ACAD9: variants seen among roughly 807,000 people sequenced by gnomAD.
ACAD9 encodes the protein acyl-CoA dehydrogenase family member 9.
In ACAD9, 53 loss-of-function variants were observed where a neutral mutation model predicts 70.2. The observed-to-expected ratio is 0.75, with a 90% CI of 0.61 to 0.95. The LOEUF (loss-of-function observed/expected upper bound fraction) is 0.95. Among genes scored for constraint, ACAD9 ranks in the 40% least tolerant of loss-of-function variants. The pLI, the probability that ACAD9 is intolerant of heterozygous loss-of-function variation, is 0.00. For missense variants in ACAD9, 777 were observed against 802.8 expected (o/e 0.97, Z 0.39); for synonymous variants, 313 against 312.1 (o/e 1.00, Z -0.03).
At chr3:128,903,472 G>C (rs1399333149) in intron 9 of ACAD9, among the ~76,000 whole-genome samples, 2 of 152,214 alleles carry the variant, frequency 1.3e-5, no homozygotes, top group Non-Finnish European at 2.9e-5. Context: ...TACACCTCCT[G>C]AGTGCACCAC....
Position 128,904,382 on chromosome 3 carries a change from C to G in ACAD9, c.1030-4C>G, listed in dbSNP as rs768270636. 1 of 1,614,170 alleles carries G rather than the reference C, an allele frequency of 6.2e-7. No homozygotes were observed. ...GTTTCTTGTGTTTTTTCTGAACACT[C>G]CAGGAGAAATTTGCACTGATGGCTC... On this transcript the variant is annotated splice_polypyrimidine_tract_variant and splice_region_variant and intron_variant, in intron 10 of 17. Transcript: ENST00000308982.
chr3:128,910,697 T>G (rs369160539), intron 16 of ACAD9, 44 bp from the exon 17 acceptor site: 4 of 1,609,940 alleles, frequency 2.5e-6, no homozygotes, highest in Non-Finnish European at 3.4e-6. Context: ...AGAGGTCTGA[T>G]TCCAGGAATT....
At chr3:128,885,120 A>G (rs1177909910) in intron 2 of ACAD9, among the ~76,000 whole-genome samples, 1 of 152,184 alleles carries the variant, frequency 6.6e-6, no homozygotes, top group Non-Finnish European at 1.5e-5. Context: ...TAGTGTTTCT[A>G]AAGGTTGAGT....
intron 2 of ACAD9, among the ~76,000 whole-genome samples, chr3:128,886,532 A>C (rs990959653): frequency 2.0e-5 from 3 of 151,900 alleles, no homozygotes; most frequent in Non-Finnish European, 4.4e-5. Flanking sequence ...AACATGGAGA[A>C]ACCTCATCTC....
intron 11 of ACAD9, among the ~76,000 whole-genome samples, chr3:128,905,411 C>A (rs1395296027): frequency 2.0e-5 from 3 of 152,168 alleles, no homozygotes; most frequent in African/African-American, 7.2e-5. Context: ...TTGTGCCCCC[C>A]ACAATTGTTT....
chr3:128,890,624 C>G (rs1054748738), intron 2 of ACAD9, among the ~76,000 whole-genome samples: 1 of 151,744 alleles, frequency 6.6e-6, no homozygotes, highest in Non-Finnish European at 1.5e-5. Flanking sequence ...ATGGCGTGAA[C>G]CCGGGAGGCG....
At chr3:128,903,780 G>T (rs1304393893) in intron 9 of ACAD9, among the ~76,000 whole-genome samples, 2 of 152,188 alleles carry the variant, frequency 1.3e-5, no homozygotes, top group African/African-American at 2.4e-5. Flanking sequence ...TGTTCAGGGA[G>T]GTGTCGCACT....
At chr3:128,911,047 G>A (rs1320134192) in intron 17 of ACAD9, among the ~76,000 whole-genome samples, 1 of 151,862 alleles carries the variant, frequency 6.6e-6, no homozygotes, top group East Asian at 1.9e-4. Flanking sequence ...GTGTGTGTGT[G>A]TATGTATGTA....
chr3:128,891,165 A>T (rs1246602454), intron 2 of ACAD9, among the ~76,000 whole-genome samples: 1 of 152,060 alleles, frequency 6.6e-6, no homozygotes, highest in Admixed American at 6.6e-5. Context: ...GGAAAAAAGG[A>T]TCTTGTAGTT....
Position 128,879,836 on chromosome 3 carries a change from A to G in ACAD9, c.145A>G (p.Lys49Glu). The G allele has an allele frequency of 6.2e-7, 1 of 1,613,990 alleles. No homozygotes were observed. Among genetic ancestry groups the G allele is most frequent in the Non-Finnish European group, 8.5e-7 (1 of 1,180,002 alleles). The change falls in exon 1 of 18, where the codon AAG becomes GAG. Residue 49 changes from lysine to glutamate, a missense_variant. Coordinates refer to ENST00000308982, the MANE Select transcript of ACAD9 (RefSeq NM_014049.5). ...CAAAGAGCTTTTCCTAGGCAAAATC[A>G]AGAAGGTAACGCGAGCCCTGGGCGA... Reference protein sequence around the residue: ...FAKELFLGKIKKKEVFPFPEV... With the variant: ...FAKELFLGKIEKKEVFPFPEV...
chr3:128,900,495 C>T (rs1038214658), intron 7 of ACAD9, among the ~76,000 whole-genome samples: 6 of 151,660 alleles, frequency 4.0e-5, no homozygotes, highest in African/African-American at 1.5e-4. Context: ...ACCTCGGCCT[C>T]CCAAAGTGCG....
chr3:128,900,190 C>G (rs1051376318), intron 7 of ACAD9, among the ~76,000 whole-genome samples: 3 of 152,186 alleles, frequency 2.0e-5, no homozygotes, highest in Admixed American at 6.5e-5. Context: ...CCTCAGCCTC[C>G]CAAAGTGCTA....
chr3:128,889,323 G>T (rs1208370807), intron 2 of ACAD9, among the ~76,000 whole-genome samples: 4 of 152,094 alleles, frequency 2.6e-5, no homozygotes, highest in Non-Finnish European at 1.5e-5. Flanking sequence ...CTACTGTACA[G>T]GTTTGCAGCC....
chr3:128,907,563 C>T (rs1935931152), intron 12 of ACAD9, among the ~76,000 whole-genome samples: 1 of 152,132 alleles, frequency 6.6e-6, no homozygotes, highest in African/African-American at 2.4e-5. Flanking sequence ...GTCCTGCTGT[C>T]CGTGATGTCA....
intron 2 of ACAD9, among the ~76,000 whole-genome samples, chr3:128,888,672 T>C (rs1470955319): frequency 1.3e-5 from 2 of 151,808 alleles, no homozygotes; most frequent in African/African-American, 4.8e-5. Context: ...AATTGTCAGC[T>C]GTCATTACAT....
Position 128,884,650 on chromosome 3 carries a change from TAGAA to T in ACAD9, c.153_156del (p.Glu52PhefsTer49), listed in dbSNP as rs762859894. On this transcript the variant is annotated splice_acceptor_variant and coding_sequence_variant, in exon 2 of 18. Transcript: ENST00000308982. LOFTEE classifies it high-confidence loss of function. ...TTTTTTAGAAAATATTTACTATTTT[TAGAA>T]AGAAGTTTTCCCATTTCCAGAAGTT... 7 of 1,602,890 alleles carry T rather than the reference TAGAA, an allele frequency of 4.4e-6. No homozygotes were observed. Among genetic ancestry groups the T allele is most frequent in the Non-Finnish European group, 4.3e-6 (5 of 1,172,078 alleles).
intron 1 of ACAD9, 142 bp downstream of exon 1, chr3:128,879,983 T>G: frequency 1.3e-6 from 2 of 1,549,776 alleles, no homozygotes; most frequent in Non-Finnish European, 8.7e-7. Flanking sequence ...ACACTCCGGA[T>G]TCCTGAGTTC....
At chr3:128,897,572 C>G (rs1935602342) in intron 5 of ACAD9, 60 bp from the exon 6 acceptor site, 1 of 1,527,498 alleles carries the variant, frequency 6.5e-7, no homozygotes, top group Admixed American at 1.9e-5. Context: ...TTCAGGCCCT[C>G]AAAAGCATTC....
chr3:128,901,600 T>G (rs188712358), intron 8 of ACAD9, among the ~76,000 whole-genome samples: 159 of 152,324 alleles, frequency 1.0e-3, no homozygotes, highest in African/African-American at 3.6e-3. Flanking sequence ...AGGCTAAGAT[T>G]CCCTTCTGCA....
Sources: allele counts gnomAD v4.1 joint callset (sites outside exome capture counted in the v4.1 genomes callset), GRCh38; gene constraint gnomAD v4.1.1; transcripts MANE v1.5; gene names NCBI Gene and HGNC (gene_info 2026-07-23, HGNC 2026-07-21).